The following PELI1 variants were observed in gnomAD, a reference collection of about 807,000 sequenced individuals.
PELI1 encodes pellino E3 ubiquitin protein ligase 1.
A neutral mutation model predicts 41.3 loss-of-function variants in PELI1; 15 were observed. The observed-to-expected ratio is 0.36, with a 90% confidence interval of 0.24 to 0.56. The LOEUF is 0.56. Among genes scored for constraint, PELI1 ranks in the 20% least tolerant of loss-of-function variants. The probability of loss-of-function intolerance (pLI) is 0.82; values close to 1 mark genes in which losing one functional copy is unlikely to be tolerated. For synonymous variants in PELI1, 178 were observed against 180.1 expected (o/e 0.99, Z 0.09); for missense variants, 403 against 525.5 (o/e 0.77, Z 2.28).
Position 64,104,718 on chromosome 2 carries a change from T to A in PELI1, c.184A>T (p.Thr62Ser). The A allele has an allele frequency of 1.3e-6, 2 of 1,594,110 alleles. No homozygotes were observed. Among genetic ancestry groups the A allele is most frequent in the Middle Eastern group, 1.8e-4 (1 of 5,666 alleles). ...TTTTTTACCTTTGCAGCCTGAGGAG[T>A]ACAAGCAATATGCACAGTGCTGGGC... ...VKPSTVHIAC[T>S]PQAAKAISNK... The change falls in exon 3 of 7, where the codon ACT becomes TCT. Residue 62 changes from threonine to serine, a missense_variant. By Grantham distance (58) the Thr-to-Ser change is moderately conservative (BLOSUM62 1). Transcript: ENST00000358912.
chr2:64,117,770 A>G (rs1353654625), intron 1 of PELI1, among the ~76,000 whole-genome samples: 1 of 152,154 alleles, frequency 6.6e-6, no homozygotes, highest in African/African-American at 2.4e-5. Flanking sequence ...TTTCAAAAGT[A>G]GCATCTAATC....
chr2:64,106,943 T>C (rs1680641356), intron 2 of PELI1, among the ~76,000 whole-genome samples: 1 of 152,202 alleles, frequency 6.6e-6, no homozygotes, highest in Non-Finnish European at 1.5e-5. Flanking sequence ...TCTCATTTTT[T>C]TCGAGACGGA....
chr2:64,137,624 T>C (rs550174155), intron 1 of PELI1, among the ~76,000 whole-genome samples: 1 of 152,236 alleles, frequency 6.6e-6, no homozygotes, highest in Admixed American at 6.5e-5. Context: ...TAAAATTCCT[T>C]TTTAGTCTAT....
At chr2:64,140,808 C>CAA (rs59589601) in intron 1 of PELI1, among the ~76,000 whole-genome samples, 13 of 110,680 alleles carry the variant, frequency 1.2e-4, no homozygotes, top group African/African-American at 4.2e-4. Context: ...AACAAACAAA[C>CAA]AAAAAAAAAC....
At chr2:64,111,480 C>T (rs751411784) in intron 1 of PELI1, among the ~76,000 whole-genome samples, 48 of 152,080 alleles carry the variant, frequency 3.2e-4, no homozygotes, top group Non-Finnish European at 6.0e-4. Flanking sequence ...AAAAACATTT[C>T]CATCATTCAA....
chr2:64,105,046 G>A (rs1252678298), intron 2 of PELI1, among the ~76,000 whole-genome samples: 1 of 152,162 alleles, frequency 6.6e-6, no homozygotes, highest in Non-Finnish European at 1.5e-5. Flanking sequence ...CCAAGTCACA[G>A]AGAACCTTTT....
chr2:64,096,805 G>A (rs1324745948), intron 4 of PELI1, among the ~76,000 whole-genome samples, 195 bp from the exon 5 acceptor site: 3 of 152,272 alleles, frequency 2.0e-5, no homozygotes, highest in Admixed American at 1.3e-4. Flanking sequence ...TAATCACTTA[G>A]AGCATGGAAT....
chr2:64,109,772 A>G (rs1680744309), intron 1 of PELI1, among the ~76,000 whole-genome samples: 1 of 152,248 alleles, frequency 6.6e-6, no homozygotes, highest in Admixed American at 6.5e-5. Flanking sequence ...CAAAGATTTA[A>G]AAGCAGCTAT....
At chr2:64,101,395 G>A (rs1680427494) in intron 3 of PELI1, among the ~76,000 whole-genome samples, 1 of 151,392 alleles carries the variant, frequency 6.6e-6, no homozygotes, top group South Asian at 2.1e-4. Flanking sequence ...GGGATGTAAT[G>A]CTTATGACTG....
intron 1 of PELI1, among the ~76,000 whole-genome samples, chr2:64,123,618 G>A (rs1473598363): frequency 6.6e-6 from 1 of 152,124 alleles, no homozygotes; most frequent in Non-Finnish European, 1.5e-5. Flanking sequence ...CAAACCCATG[G>A]CTATTATCAA....
In PELI1 at chr2:64,130,675, A is replaced by T. The variant is rs369255050; in HGVS notation, c.-70+13406T>A. On this transcript the variant is annotated intron_variant, in intron 1 of 6. Coordinates refer to ENST00000358912, the MANE Select transcript of PELI1 (RefSeq NM_020651.4). ...GACATTAAAAAGTTTGCTAAATTAG[A>T]TCTTACGAAATCTTCATTTTAATTT... is the stretch of plus-strand genomic sequence containing the variant. 2.6e-4 allele frequency among the ~76,000 whole-genome samples: 40 copies of T among 152,306 alleles called. No homozygotes were observed. The East Asian group carries it at 6.9e-3, about 26-fold the overall frequency.
At chr2:64,100,802 C>G (rs1240758158) in intron 3 of PELI1, among the ~76,000 whole-genome samples, 1 of 152,172 alleles carries the variant, frequency 6.6e-6, no homozygotes, top group African/African-American at 2.4e-5. Context: ...TCTCGGTTCA[C>G]TGCAACCGCC....
chr2:64,102,985 GGGCATGCCACC>G lies in PELI1; in HGVS notation c.201+1705_201+1715del, dbSNP rs556886334. The stretch of plus-strand genomic sequence containing the variant: ...AGCCTGCCAAGTAGCTGGGACTTCG[GGGCATGCCACC>G]ACGCTTGGCTAATTTTTTGTATTTT... On this transcript the variant is annotated intron_variant, in intron 3 of 6. Coordinates refer to ENST00000358912, the MANE Select transcript of PELI1 (RefSeq NM_020651.4). Among the ~76,000 whole-genome samples, 264 of 152,070 alleles carry G rather than the reference GGGCATGCCACC, an allele frequency of 1.7e-3. 3 individuals carry two copies. The Middle Eastern group carries it at 0.044, about 25-fold the overall frequency.
chr2:64,114,904 G>A (rs112933281), intron 1 of PELI1, among the ~76,000 whole-genome samples: 102 of 152,182 alleles, frequency 6.7e-4, no homozygotes, highest in Middle Eastern at 6.8e-3. Flanking sequence ...TTCTTAGGAT[G>A]GAAATTTCCC....
Position 64,127,136 on chromosome 2 carries a change from T to G in PELI1, c.-70+16945A>C, listed in dbSNP as rs1681416346. ...AAAGATTCCCTTAACGCCTATTAATTTGTAAAAGTCCAGGTTGTTAAATAA... is the reference window on the plus strand; with the variant it reads ...AAAGATTCCCTTAACGCCTATTAATGTGTAAAAGTCCAGGTTGTTAAATAA... On this transcript the variant is annotated intron_variant, in intron 1 of 6. Coordinates refer to ENST00000358912, the MANE Select transcript of PELI1 (RefSeq NM_020651.4). 2.0e-5 allele frequency among the ~76,000 whole-genome samples: 3 copies of G among 152,314 alleles called. No individual in the cohort carries two copies. In the South Asian group the frequency reaches 6.2e-4, roughly 32 times the overall value.
chr2:64,102,838 T>C (rs1680491200), intron 3 of PELI1, among the ~76,000 whole-genome samples: 1 of 128,372 alleles, frequency 7.8e-6, no homozygotes, highest in African/African-American at 2.7e-5. Context: ...AGTCAATCTT[T>C]TTTTTTTTTT....
chr2:64,096,341 CAACTTGT>C lies in PELI1; in HGVS notation c.502-35_502-29del, dbSNP rs200605687. 8.8e-4 allele frequency: 1,418 copies of C among 1,604,650 alleles called. 10 individuals are homozygous for C. The African/African-American group carries it at 0.014, about 16-fold the overall frequency. On this transcript the variant is annotated intron_variant, in intron 5 of 6. Coordinates refer to ENST00000358912, the MANE Select transcript of PELI1 (RefSeq NM_020651.4). ...AGTAGAAATAATAGCAGTGAGCTTCCAACTTGTAACTTGTAACTTGGAATGAAAGCTA... is the reference window on the plus strand; with the variant it reads ...AGTAGAAATAATAGCAGTGAGCTTCCAACTTGTAACTTGGAATGAAAGCTA...
chr2:64,139,986 T>C lies in PELI1; in HGVS notation c.-70+4095A>G, dbSNP rs144423023. ...CATTGCACCTTGTATGTTGAAATTT[T>C]AGCATGATAAATTACTGACTGTGTT... On this transcript the variant is annotated intron_variant, in intron 1 of 6. Coordinates refer to ENST00000358912, the MANE Select transcript of PELI1 (RefSeq NM_020651.4). Among the ~76,000 whole-genome samples, 834 of 152,342 alleles carry C rather than the reference T, an allele frequency of 5.5e-3. 2 individuals carry two copies. Among genetic ancestry groups the C allele is most frequent in the Non-Finnish European group, 8.9e-3 (604 of 68,030 alleles).
At chr2:64,134,058 C>G (rs1044714723) in intron 1 of PELI1, among the ~76,000 whole-genome samples, 1 of 151,974 alleles carries the variant, frequency 6.6e-6, no homozygotes, top group Non-Finnish European at 1.5e-5. Flanking sequence ...TATGAAGGAG[C>G]CTTCAATTTA....
Sources: allele counts gnomAD v4.1 joint callset (sites outside exome capture counted in the v4.1 genomes callset), GRCh38; gene constraint gnomAD v4.1.1; transcripts MANE v1.5; gene names NCBI Gene and HGNC (gene_info 2026-07-23, HGNC 2026-07-21).